Variants in GNB4 observed in about 807,000 individuals in gnomAD.
GNB4 encodes the protein guanine nucleotide-binding protein subunit beta-4.
In GNB4, 28 loss-of-function variants were observed where a neutral mutation model predicts 45.2. That is an observed-to-expected ratio of 0.62 (90% CI 0.46 to 0.85). The LOEUF (loss-of-function observed/expected upper bound fraction) is 0.85, where lower values mean the gene tolerates loss of function less well. GNB4 is among the 40% of genes least tolerant of loss of function. GNB4 has a pLI of 0.00. For synonymous variants in GNB4, 132 were observed against 143.7 expected, an observed-to-expected ratio of 0.92 and a Z score of 0.58; for missense variants, 321 against 425.4, an observed-to-expected ratio of 0.75 and a Z score of 2.16.
intron 1 of GNB4, among the ~76,000 whole-genome samples, chr3:179,441,588 A>G (rs1038023753): frequency 3.3e-5 from 5 of 151,576 alleles, no homozygotes; most frequent in Admixed American, 2.6e-4. Context: ...ACAAAAACAA[A>G]CAAACAAACA....
At chr3:179,479,827 G>C in the GNB4 span, among the ~76,000 whole-genome samples, 1 of 152,184 alleles carries the variant, frequency 6.6e-6, no homozygotes. Flanking sequence ...GCATCTCTTA[G>C]AAATATTGCA....
At chr3:179,423,823 T>C (rs116640139) in intron 2 of GNB4, among the ~76,000 whole-genome samples, 3,336 of 151,342 alleles carry the variant, frequency 0.022, 124 homozygotes, top group African/African-American at 0.076. Flanking sequence ...TGGAGGGCTC[T>C]TGGAGGATTA....
intron 2 of GNB4, among the ~76,000 whole-genome samples, chr3:179,423,097 A>ACGGTG (rs1715041299): frequency 6.6e-6 from 1 of 152,058 alleles, no homozygotes; most frequent in Non-Finnish European, 1.5e-5. Context: ...AGCCAGAAAG[A>ACGGTG]TTTTTAAATA....
chr3:179,503,961 A>T, the GNB4 span, among the ~76,000 whole-genome samples: 1 of 152,178 alleles, frequency 6.6e-6, no homozygotes, highest in Non-Finnish European at 1.5e-5. Flanking sequence ...AGCTAGGTTG[A>T]ACTAAACAGG....
At chr3:179,472,287 T>C in the GNB4 span, among the ~76,000 whole-genome samples, 1 of 151,992 alleles carries the variant, frequency 6.6e-6, no homozygotes, top group Non-Finnish European at 1.5e-5. Flanking sequence ...ATTTATAATT[T>C]TCAATATTCA....
At chr3:179,523,360 G>C in the GNB4 span, among the ~76,000 whole-genome samples, 2 of 152,174 alleles carry the variant, frequency 1.3e-5, no homozygotes, top group African/African-American at 4.8e-5. Flanking sequence ...AGCGAAGAGA[G>C]GCTGGGATGA....
At position 179,420,921 on chromosome 3, in the gene GNB4, G is replaced by A. The variant is rs1560216452; in HGVS notation, c.64C>T (p.Arg22Trp). The change falls in exon 3 of 10, where the codon CGG becomes TGG. Residue 22 changes from arginine to tryptophan, a missense_variant. By Grantham distance (101) the Arg-to-Trp change is moderately radical. Coordinates refer to ENST00000232564, the MANE Select transcript of GNB4 (RefSeq NM_021629.4). ...AGCGTTGCATCATTACATGCTTTCCGAGCATCCTGAAGTAAAAAAATATGA... is the reference window on the plus strand; with the variant it reads ...AGCGTTGCATCATTACATGCTTTCCAAGCATCCTGAAGTAAAAAAATATGA... ...EQLRNQIQDA[R>W]KACNDATLVQ... The A allele has an allele frequency of 6.3e-7, 1 of 1,580,172 alleles. No homozygotes were observed. Among genetic ancestry groups the A allele is most frequent in the Non-Finnish European group, 8.7e-7 (1 of 1,154,306 alleles).
At chr3:179,457,488 G>T in the GNB4 span, among the ~76,000 whole-genome samples, 1 of 151,998 alleles carries the variant, frequency 6.6e-6, no homozygotes, top group Non-Finnish European at 1.5e-5. Context: ...TCTCTCTCTG[G>T]GGTCTCACTC....
At chr3:179,432,621 A>G (rs1483196587) in intron 1 of GNB4, among the ~76,000 whole-genome samples, 1 of 152,216 alleles carries the variant, frequency 6.6e-6, no homozygotes, top group Non-Finnish European at 1.5e-5. Flanking sequence ...GCCAAACTGT[A>G]TTGACATGTG....
In GNB4 at chr3:179,404,919, C is replaced by G. The variant is rs2287311; in HGVS notation, c.916+271G>C. Among the ~76,000 whole-genome samples, 28,187 of 152,184 alleles carry G rather than the reference C, an allele frequency of 0.19. 3,102 individuals carry two copies. Among genetic ancestry groups the G allele is most frequent in the East Asian group, 0.35 (1,806 of 5,160 alleles). On this transcript the variant is annotated intron_variant, in intron 9 of 9. Transcript: ENST00000232564. The stretch of plus-strand genomic sequence containing the variant: ...AAAGTGTGATTTCTAAAAGACCACA[C>G]TGAATCACATTCACTATCCATCTTT...
the GNB4 span, among the ~76,000 whole-genome samples, chr3:179,508,932 G>GTATATATATATATATATATATA: frequency 2.8e-3 from 289 of 102,042 alleles, 6 homozygotes; most frequent in East Asian, 9.1e-3. Context: ...TTCAGCATGT[G>GTATATATATATATATATATATA]TATATATATA....
chr3:179,462,451 A>G, the GNB4 span, among the ~76,000 whole-genome samples: 1 of 152,184 alleles, frequency 6.6e-6, no homozygotes, highest in Non-Finnish European at 1.5e-5. Flanking sequence ...AGGTTAGAAA[A>G]ACCTAAGTTC....
At chr3:179,469,861 A>G in the GNB4 span, among the ~76,000 whole-genome samples, 919 of 152,316 alleles carry the variant, frequency 6.0e-3, 12 homozygotes, top group African/African-American at 0.021. Flanking sequence ...GTTACAAGAA[A>G]GTTCTGAAAG....
At chr3:179,447,460 C>T (rs973698727) in intron 1 of GNB4, among the ~76,000 whole-genome samples, 3 of 152,064 alleles carry the variant, frequency 2.0e-5, no homozygotes, top group African/African-American at 7.2e-5. Context: ...GCAATCCTCC[C>T]GCCTCAGACT....
At chr3:179,500,601 C>G in the GNB4 span, among the ~76,000 whole-genome samples, 11 of 152,074 alleles carry the variant, frequency 7.2e-5, no homozygotes, top group Non-Finnish European at 1.0e-4. Context: ...TTAAAGTAGT[C>G]TTTTCCAATT....
At chr3:179,429,317 C>T (rs540985225) in intron 1 of GNB4, among the ~76,000 whole-genome samples, 30 of 152,344 alleles carry the variant, frequency 2.0e-4, no homozygotes, top group African/African-American at 6.5e-4. Flanking sequence ...CTACCTGTGT[C>T]ACCCTGTGGG....
intron 1 of GNB4, chr3:179,450,866 C>G (rs1715850868): frequency 6.6e-6 from 1 of 152,216 alleles, no homozygotes; most frequent in Non-Finnish European, 1.5e-5. Context: ...GAAACAAAAC[C>G]ATTGGACTAA....
Position 179,411,466 on chromosome 3 carries a change from C to CAAA in GNB4, c.699+1943_699+1945dup, listed in dbSNP as rs755966921. Among the ~76,000 whole-genome samples the CAAA allele has an allele frequency of 5.6e-3, 703 of 125,326 alleles. 5 individuals carry two copies. Among genetic ancestry groups the CAAA allele is most frequent in the Non-Finnish European group, 8.5e-3 (493 of 58,218 alleles). The allele number at this position is 125,326 out of a possible 152,430, so 82.2% of individuals were successfully genotyped here. On this transcript the variant is annotated intron_variant, in intron 8 of 9. Coordinates refer to ENST00000232564, the MANE Select transcript of GNB4 (RefSeq NM_021629.4). The stretch of plus-strand genomic sequence containing the variant: ...GTAAAAGATGGTACTAATGTTTTGA[C>CAAA]AAAAAAAAAAAAACAGGAGAAAATC...
chr3:179,448,132 G>C (rs1427271067), intron 1 of GNB4, among the ~76,000 whole-genome samples: 1 of 152,206 alleles, frequency 6.6e-6, no homozygotes, highest in Admixed American at 6.5e-5. Context: ...AAGGAGTAGA[G>C]ACAGCCTACA....
Sources: allele counts gnomAD v4.1 joint callset (sites outside exome capture counted in the v4.1 genomes callset), GRCh38; gene constraint gnomAD v4.1.1; transcripts MANE v1.5; gene names NCBI Gene and HGNC (gene_info 2026-07-23, HGNC 2026-07-21).